SSBP2: variants seen among roughly 807,000 people sequenced by gnomAD.
SSBP2 encodes single-stranded DNA-binding protein 2.
SSBP2 carries 17 observed loss-of-function variants against 61.8 expected under a neutral mutation model. The observed-to-expected ratio is 0.28, with a 90% CI of 0.19 to 0.41. The LOEUF (loss-of-function observed/expected upper bound fraction) is 0.41. Ranked by LOEUF, SSBP2 falls within the 10% of genes least tolerant of loss-of-function variation. The probability of loss-of-function intolerance (pLI) is 1.00; values close to 1 mark genes in which losing one functional copy is unlikely to be tolerated. For synonymous variants in SSBP2, 139 were observed against 141.3 expected (o/e 0.98, Z 0.12); for missense variants, 310 against 458.7 (o/e 0.68, Z 2.96).
intron 1 of SSBP2, among the ~76,000 whole-genome samples, chr5:81,740,444 A>C (rs1756938500): frequency 6.6e-6 from 1 of 152,230 alleles, no homozygotes; most frequent in South Asian, 2.1e-4. Flanking sequence ...ATGATGTGAA[A>C]AAAATAAAAC....
intron 1 of SSBP2, among the ~76,000 whole-genome samples, chr5:81,725,923 T>C (rs994928535): frequency 6.6e-6 from 1 of 152,098 alleles, no homozygotes; most frequent in Non-Finnish European, 1.5e-5. Context: ...TTGGATCTGT[T>C]TGAAGTTTTC....
intron 4 of SSBP2, among the ~76,000 whole-genome samples, chr5:81,516,662 TAATA>T (rs1228787125): frequency 6.6e-6 from 1 of 152,080 alleles, no homozygotes; most frequent in Non-Finnish European, 1.5e-5. Context: ...CATATACTGA[TAATA>T]AACGCTATAG....
chr5:81,703,634 C>T (rs1316161754), intron 1 of SSBP2, among the ~76,000 whole-genome samples: 4 of 151,972 alleles, frequency 2.6e-5, no homozygotes, highest in African/African-American at 7.3e-5. Flanking sequence ...TGTTTAAATT[C>T]AATTCCTCTA....
intron 1 of SSBP2, among the ~76,000 whole-genome samples, chr5:81,700,009 ATTT>A (rs1753866968): frequency 6.6e-6 from 1 of 151,820 alleles, no homozygotes; most frequent in Non-Finnish European, 1.5e-5. Flanking sequence ...ACCTAGCTAA[ATTT>A]TTTTAATATT....
At chr5:81,497,064 A>G (rs1177848873) in intron 5 of SSBP2, among the ~76,000 whole-genome samples, 1 of 152,262 alleles carries the variant, frequency 6.6e-6, no homozygotes, top group Non-Finnish European at 1.5e-5. Context: ...AGCACCAATT[A>G]GCATGTGCTC....
At chr5:81,689,353 ATT>A (rs1753041507) in intron 1 of SSBP2, among the ~76,000 whole-genome samples, 1 of 152,182 alleles carries the variant, frequency 6.6e-6, no homozygotes, top group Non-Finnish European at 1.5e-5. Context: ...AGGTATTAAT[ATT>A]TAAGTACAAT....
intron 1 of SSBP2, among the ~76,000 whole-genome samples, chr5:81,677,782 C>A (rs908816118): frequency 8.9e-5 from 13 of 145,912 alleles, no homozygotes; most frequent in Admixed American, 3.5e-4. Flanking sequence ...AGGAAAAGGA[C>A]ATACCAATTG....
chr5:81,711,077 T>C (rs114627607), intron 1 of SSBP2, among the ~76,000 whole-genome samples: 89 of 152,186 alleles, frequency 5.8e-4, no homozygotes, highest in African/African-American at 2.0e-3. Context: ...AATCTGATTC[T>C]TCCCTTTCAG....
chr5:81,588,944 G>A (rs1484746151), intron 4 of SSBP2, among the ~76,000 whole-genome samples: 1 of 152,046 alleles, frequency 6.6e-6, no homozygotes, highest in Admixed American at 6.6e-5. Context: ...CATGCCTGTA[G>A]TCTCAGCTAC....
intron 1 of SSBP2, among the ~76,000 whole-genome samples, chr5:81,704,389 C>T (rs191775623): frequency 3.3e-4 from 51 of 152,276 alleles, no homozygotes; most frequent in Admixed American, 1.2e-3. Flanking sequence ...TACATAAAAA[C>T]CCACTAGTTC....
chr5:81,461,182 T>G (rs1259813671), intron 9 of SSBP2, 79 bp from the exon 10 acceptor site: 1 of 1,108,460 alleles, frequency 9.0e-7, no homozygotes, highest in East Asian at 2.9e-5. Flanking sequence ...TCATAAAATA[T>G]AACATTTATA....
At chr5:81,443,807 C>T (rs1283148506) in intron 12 of SSBP2, among the ~76,000 whole-genome samples, 1 of 152,190 alleles carries the variant, frequency 6.6e-6, no homozygotes, top group Non-Finnish European at 1.5e-5. Flanking sequence ...TGTGATCTGC[C>T]CACCTTGGCC....
chr5:81,662,055 C>CA, intron 1 of SSBP2, among the ~76,000 whole-genome samples: 1 of 152,240 alleles, frequency 6.6e-6, no homozygotes, highest in South Asian at 2.1e-4. Context: ...ATTCTGCATG[C>CA]AAATATAATA....
chr5:81,679,539 A>G (rs1752233549), intron 1 of SSBP2, among the ~76,000 whole-genome samples: 1 of 152,220 alleles, frequency 6.6e-6, no homozygotes, highest in African/African-American at 2.4e-5. Context: ...GGTTAGTTAT[A>G]AAAATGTATA....
chr5:81,594,747 G>A (rs1312887515), intron 4 of SSBP2, among the ~76,000 whole-genome samples: 1 of 152,042 alleles, frequency 6.6e-6, no homozygotes, highest in Admixed American at 6.6e-5. Context: ...TGACTACTGG[G>A]TACATAATGA....
chr5:81,696,117 T>C (rs1016374457), intron 1 of SSBP2, among the ~76,000 whole-genome samples: 2 of 152,142 alleles, frequency 1.3e-5, no homozygotes, highest in Non-Finnish European at 2.9e-5. Context: ...ACTGCAAAGA[T>C]TCCTGTTCCC....
At chr5:81,548,230 T>C (rs930325272) in intron 4 of SSBP2, among the ~76,000 whole-genome samples, 1 of 152,122 alleles carries the variant, frequency 6.6e-6, no homozygotes, top group African/African-American at 2.4e-5. Flanking sequence ...TACTGCATAT[T>C]CCATGGGTTG....
chr5:81,427,821 G>A (rs1762045597), intron 16 of SSBP2, among the ~76,000 whole-genome samples: 1 of 152,128 alleles, frequency 6.6e-6, no homozygotes, highest in African/African-American at 2.4e-5. Context: ...AGTATGCCCA[G>A]CTCCACTCCT....
intron 4 of SSBP2, among the ~76,000 whole-genome samples, chr5:81,530,273 C>T (rs944190450): frequency 6.6e-6 from 1 of 151,970 alleles, no homozygotes; most frequent in Non-Finnish European, 1.5e-5. Context: ...ACAATGTCTA[C>T]CACAAAGTAA....
Sources: allele counts gnomAD v4.1 joint callset (sites outside exome capture counted in the v4.1 genomes callset), GRCh38; gene constraint gnomAD v4.1.1; transcripts MANE v1.5; gene names NCBI Gene and HGNC (gene_info 2026-07-23, HGNC 2026-07-21).